The following MOK variants were observed in gnomAD, a reference collection of about 807,000 sequenced individuals.
MOK encodes the protein MOK protein kinase, also known as MAPK/MAK/MRK overlapping kinase.
Under a neutral mutation model 54.2 loss-of-function variants are expected in MOK, and 59 were observed. The observed-to-expected ratio is 1.09, with a 90% CI of 0.88 to 1.35. The LOEUF is 1.35. MOK is among the 40% of genes most tolerant of loss of function. The pLI, the probability that MOK is intolerant of heterozygous loss-of-function variation, is 0.00. For synonymous variants in MOK, 210 were observed against 202.7 expected, an observed-to-expected ratio of 1.04 and a Z score of -0.31; for missense variants, 517 against 526.2, an observed-to-expected ratio of 0.98 and a Z score of 0.17.
At chr14:102,222,509 G>T (rs2064018783), downstream of MOK, among the ~76,000 whole-genome samples, 3 of 152,150 alleles carry the variant, frequency 2.0e-5, 1 homozygote, top group South Asian at 6.2e-4. This position sits in a 1 kb window ranked among gnomAD's most constrained non-coding sequence, Gnocchi z 4.4. Context: ...TGCACCTTTG[G>T]GTCAGCAAAG....
chr14:102,222,093 C>T (rs974238907), downstream of MOK, among the ~76,000 whole-genome samples: 4 of 151,810 alleles, frequency 2.6e-5, no homozygotes, highest in African/African-American at 7.3e-5. This position sits in a 1 kb window ranked among gnomAD's most constrained non-coding sequence, Gnocchi z 4.4. Context: ...TCCCCGCCCC[C>T]GCCCCCGACA....
intron 2 of MOK, among the ~76,000 whole-genome samples, chr14:102,281,506 A>G (rs1207579944): frequency 6.6e-6 from 1 of 151,194 alleles, no homozygotes; most frequent in African/African-American, 2.4e-5. Context: ...CTCAAAAAAA[A>G]AAAAAAAAAA....
intron 1 of MOK, among the ~76,000 whole-genome samples, chr14:102,285,430 A>G (rs887717670): frequency 2.6e-5 from 4 of 152,188 alleles, no homozygotes; most frequent in Non-Finnish European, 4.4e-5. Flanking sequence ...ATTCCTTTCC[A>G]CATGCACATT....
In MOK at chr14:102,231,955, CAGG is replaced by C; in HGVS notation, c.867-137_867-135del. ...TCTTCTTTTCTGCCTGAGCTGTAAT[CAGG>C]AGCCTTTTTTTTTCTTTTCTGTCTC... On this transcript the variant is annotated intron_variant, in intron 9 of 11. Transcript: ENST00000361847. The surrounding 1 kb of genome is among the most constrained non-coding windows in gnomAD (Gnocchi z 4.4). 1.5e-6 allele frequency: 1 copy of C among 650,868 alleles called. No homozygotes were observed. The highest frequency in any genetic ancestry group is 2.5e-6 in the Non-Finnish European group (1 of 393,932). The allele number at this position is 650,868 out of a possible 1,614,324, so 40.3% of individuals were successfully genotyped here. A position where few individuals can be genotyped will look rare whatever the true frequency, so the allele number is the denominator to read the frequency against.
At chr14:102,248,402 T>C (rs539443297) in intron 7 of MOK, among the ~76,000 whole-genome samples, 2 of 152,072 alleles carry the variant, frequency 1.3e-5, no homozygotes, top group African/African-American at 4.8e-5. Context: ...AAACTTTCCC[T>C]ACACCCTTCT....
In MOK at chr14:102,236,126, GA is replaced by G. The variant is rs553453553; in HGVS notation, c.591-2338del. Among the ~76,000 whole-genome samples, 13 of 152,330 alleles carry G rather than the reference GA, an allele frequency of 8.5e-5. No homozygotes were observed. In the South Asian group the frequency reaches 2.5e-3, roughly 29 times the overall value. ...AGTCCGACTGTCCTCTCAACAGACA[GA>G]CAAGCCTGCTCCTCAGAGCCACCAC... On this transcript the variant is annotated intron_variant, in intron 7 of 11. Coordinates refer to ENST00000361847, the MANE Select transcript of MOK (RefSeq NM_014226.3). This position sits in a 1 kb window ranked among gnomAD's most constrained non-coding sequence, Gnocchi z 4.5.
At chr14:102,237,343 G>A (rs1243237872) in intron 7 of MOK, among the ~76,000 whole-genome samples, 1 of 152,134 alleles carries the variant, frequency 6.6e-6, no homozygotes, top group Non-Finnish European at 1.5e-5. Context: ...CCCCTCCGAA[G>A]CTCAACTTTC....
the MOK span, among the ~76,000 whole-genome samples, chr14:102,215,489 A>G: frequency 6.6e-6 from 1 of 152,046 alleles, no homozygotes; most frequent in Non-Finnish European, 1.5e-5. Flanking sequence ...GTTCTGGGAT[A>G]TATGTGCTGA....
intron 2 of MOK, among the ~76,000 whole-genome samples, chr14:102,267,768 A>C (rs1048109640): frequency 1.3e-5 from 2 of 152,126 alleles, no homozygotes; most frequent in Non-Finnish European, 2.9e-5. Context: ...TGAAAGTGTT[A>C]GCAACTCGCA....
At chr14:102,300,249 G>T (rs145603368) in intron 1 of MOK, among the ~76,000 whole-genome samples, 1 of 151,462 alleles carries the variant, frequency 6.6e-6, no homozygotes, top group African/African-American at 2.4e-5. Flanking sequence ...ACTTGAACCC[G>T]GGAGGTGGAG....
chr14:102,251,255 A>G (rs8022780), intron 6 of MOK, among the ~76,000 whole-genome samples: 152,254 of 152,354 alleles, frequency 1, 76,077 homozygotes, highest in Middle Eastern at 1. Flanking sequence ...TGGTTAACCC[A>G]TTGGCGCTTC....
In MOK at chr14:102,298,591, G is replaced by A. The variant is rs190848395; in HGVS notation, c.7+6371C>T. Among the ~76,000 whole-genome samples, 377 of 152,184 alleles carry A rather than the reference G, an allele frequency of 2.5e-3. 11 individuals carry two copies. The highest frequency in any genetic ancestry group is 0.021 in the Admixed American group (323 of 15,274). Reference sequence around the variant, plus strand: ...GCACCAATCAGCACCCTGTCAAAACGGACCAATCAGCTCTCTGTAAAACAG... The same window carrying A: ...GCACCAATCAGCACCCTGTCAAAACAGACCAATCAGCTCTCTGTAAAACAG... On this transcript the variant is annotated intron_variant, in intron 1 of 11. Coordinates refer to ENST00000361847, the MANE Select transcript of MOK (RefSeq NM_014226.3).
chr14:102,286,247 C>T (rs1052760079), intron 1 of MOK, among the ~76,000 whole-genome samples: 2 of 138,952 alleles, frequency 1.4e-5, no homozygotes, highest in East Asian at 2.1e-4. Context: ...TGCAGTGAGC[C>T]GAGATCGCGC....
At chr14:102,251,376 G>T (rs1286673678) in intron 6 of MOK, 9 of 389,754 alleles carry the variant, frequency 2.3e-5, no homozygotes, top group Non-Finnish European at 3.9e-5. Context: ...GCCAGTGACA[G>T]GTGCTGGGAA....
At chr14:102,267,758 TG>T (rs1393168573) in intron 2 of MOK, among the ~76,000 whole-genome samples, 1 of 152,048 alleles carries the variant, frequency 6.6e-6, no homozygotes, top group African/African-American at 2.4e-5. Context: ...AAGTTGGTAT[TG>T]AAAGTGTTAG....
Position 102,261,446 on chromosome 14 carries a change from T to C in MOK, c.283+2100A>G, listed in dbSNP as rs1317048536. Among the ~76,000 whole-genome samples the C allele has an allele frequency of 1.2e-3, 126 of 105,236 alleles. 4 individuals are homozygous for C. The highest frequency in any genetic ancestry group is 4.3e-3 in the African/African-American group (118 of 27,310). 69.0% of individuals were successfully genotyped at this position (105,236 alleles called of 152,430 possible). A position where few individuals can be genotyped will look rare whatever the true frequency, so the allele number is the denominator to read the frequency against. Reference sequence around the variant, plus strand: ...ATATATATATATATATATATATATATATATATATATATTCTAAACAAAGCT... The same window carrying C: ...ATATATATATATATATATATATATACATATATATATATTCTAAACAAAGCT... On this transcript the variant is annotated intron_variant, in intron 4 of 11. Coordinates refer to ENST00000361847, the MANE Select transcript of MOK (RefSeq NM_014226.3).
chr14:102,215,606 T>A, the MOK span, among the ~76,000 whole-genome samples: 1 of 152,324 alleles, frequency 6.6e-6, no homozygotes, highest in South Asian at 2.1e-4. Context: ...TTTTTCCTTA[T>A]GCTCTCCCTC....
the MOK span, among the ~76,000 whole-genome samples, chr14:102,216,315 T>A: frequency 6.6e-6 from 1 of 152,198 alleles, no homozygotes; most frequent in Non-Finnish European, 1.5e-5. Flanking sequence ...ACAGGGCGTT[T>A]TGGTTTGTGT....
At chr14:102,254,589 T>G (rs1261486958) in intron 4 of MOK, among the ~76,000 whole-genome samples, 1 of 152,064 alleles carries the variant, frequency 6.6e-6, no homozygotes, top group African/African-American at 2.4e-5. Context: ...CAAGACCCCC[T>G]TCAACCAATT....
Sources: allele counts gnomAD v4.1 joint callset (sites outside exome capture counted in the v4.1 genomes callset), GRCh38; gene constraint gnomAD v4.1.1; non-coding constraint Gnocchi (gnomAD v3.1); transcripts MANE v1.5; gene names NCBI Gene and HGNC (gene_info 2026-07-23, HGNC 2026-07-21).